STPG4: variants seen among roughly 807,000 people sequenced by gnomAD.
STPG4 encodes the protein sperm-tail PG-rich repeat containing 4, also known as protein STPG4.
STPG4 carries 41 observed loss-of-function variants against 31.5 expected under a neutral mutation model. The ratio of observed to expected loss-of-function variants is 1.30; its 90% CI spans 1.01 to 1.69. The LOEUF (loss-of-function observed/expected upper bound fraction) is 1.69. STPG4 is among the 40% of genes most tolerant of loss of function. The pLI is 0.00. For synonymous variants in STPG4, 141 were observed against 103.0 expected (o/e 1.37, Z -2.24); for missense variants, 375 against 293.4 (o/e 1.28, Z -2.03).
chr2:47,146,087 A>T (rs993646458), intron 3 of STPG4, among the ~76,000 whole-genome samples: 1 of 152,220 alleles, frequency 6.6e-6, no homozygotes, highest in Non-Finnish European at 1.5e-5. Context: ...CCAAAAGGAC[A>T]AGTGGGTCAG....
rs192805925 is a variant in STPG4 at position 47,093,909 on chromosome 2, G to A, written c.520-3535C>T. On this transcript the variant is annotated intron_variant, in intron 5 of 6. Transcript: ENST00000445927. ...CTCATGGCCGGGCCCTGCAATGGCC[G>A]GGCAACAGCTCTAGCAGAGTCCCCA... Among the ~76,000 whole-genome samples, 831 of 152,330 alleles carry A rather than the reference G, an allele frequency of 5.5e-3. 8 individuals are homozygous for A. Among genetic ancestry groups the A allele is most frequent in the African/African-American group, 0.019 (794 of 41,574 alleles).
chr2:47,088,385 C>G (rs760349555), intron 6 of STPG4, among the ~76,000 whole-genome samples: 1 of 152,158 alleles, frequency 6.6e-6, no homozygotes, highest in Non-Finnish European at 1.5e-5. Context: ...TCTTGAAGTC[C>G]GAAGGCATTT....
intron 5 of STPG4, among the ~76,000 whole-genome samples, chr2:47,125,555 C>T (rs781168621): frequency 1.2e-4 from 19 of 152,130 alleles, no homozygotes; most frequent in Non-Finnish European, 2.4e-4. Context: ...TTGATTGTTT[C>T]CTTTGTTGTG....
At chr2:47,116,099 G>A (rs763179797) in intron 5 of STPG4, among the ~76,000 whole-genome samples, 4 of 152,194 alleles carry the variant, frequency 2.6e-5, no homozygotes, top group Non-Finnish European at 5.9e-5. Context: ...GGCTCATTGA[G>A]TTTTTCCAGA....
Position 47,087,113 on chromosome 2 carries a change from TCCTGGG to T in STPG4, c.636_641del (p.Pro213_Gly214del), listed in dbSNP as rs1685471325. 6.4e-7 allele frequency: 1 copy of T among 1,551,800 alleles called. No individual in the cohort carries two copies. The highest frequency in any genetic ancestry group is 8.7e-7 in the Non-Finnish European group (1 of 1,147,014). On this transcript the variant is annotated inframe_deletion, in exon 7 of 7. Coordinates refer to ENST00000445927, the MANE Select transcript of STPG4 (RefSeq NM_001163561.2). ...GGAATTGTCTTAAAGTTGTATATGCTCCTGGGCCTGGGGTTTTCTGAAAACAGAGCA... is the reference window on the plus strand; with the variant it reads ...GGAATTGTCTTAAAGTTGTATATGCTCCTGGGGTTTTCTGAAAACAGAGCA...
At chr2:47,126,021 G>T (rs1311443459) in intron 5 of STPG4, among the ~76,000 whole-genome samples, 1 of 152,168 alleles carries the variant, frequency 6.6e-6, no homozygotes, top group Non-Finnish European at 1.5e-5. Flanking sequence ...TGTCAAAAAT[G>T]AGTTCACTGT....
intron 5 of STPG4, among the ~76,000 whole-genome samples, chr2:47,104,871 A>G (rs1035473611): frequency 2.0e-5 from 3 of 151,790 alleles, no homozygotes; most frequent in Non-Finnish European, 2.9e-5. Flanking sequence ...TCTTAGCCAG[A>G]GGGGCCAGGG....
At chr2:47,152,504 A>C (rs1417457801) in intron 2 of STPG4, among the ~76,000 whole-genome samples, 1 of 152,222 alleles carries the variant, frequency 6.6e-6, no homozygotes, top group Non-Finnish European at 1.5e-5. Flanking sequence ...GTAATATAGA[A>C]ACTCTCTGGT....
At chr2:47,151,129 A>G in intron 3 of STPG4, 129 bp downstream of exon 3, 1 of 1,192,586 alleles carries the variant, frequency 8.4e-7, no homozygotes, top group Non-Finnish European at 1.2e-6. Flanking sequence ...TTTGATTTCT[A>G]CGGGAAATAA....
intron 5 of STPG4, among the ~76,000 whole-genome samples, chr2:47,114,760 T>C (rs1211004994): frequency 6.6e-6 from 1 of 151,222 alleles, no homozygotes; most frequent in African/African-American, 2.4e-5. Flanking sequence ...CATCCAACAA[T>C]ACATTTTTTT....
chr2:47,087,870 T>C (rs1420355878), intron 6 of STPG4, among the ~76,000 whole-genome samples: 1 of 151,812 alleles, frequency 6.6e-6, no homozygotes, highest in East Asian at 1.9e-4. Context: ...TGCCTCAGCC[T>C]CCCAAGTAGC....
At chr2:47,151,571 A>G in intron 2 of STPG4, 56 bp from the exon 3 acceptor site, 3 of 1,494,482 alleles carry the variant, frequency 2.0e-6, no homozygotes, top group Non-Finnish European at 2.8e-6. Context: ...TTCTCCTAAA[A>G]CACCATTCTT....
At chr2:47,136,720 A>G (rs777230372) in intron 3 of STPG4, among the ~76,000 whole-genome samples, 1 of 152,222 alleles carries the variant, frequency 6.6e-6, no homozygotes, top group Non-Finnish European at 1.5e-5. Flanking sequence ...TGTTTGGTCA[A>G]TGGAAGAGAG....
intron 5 of STPG4, among the ~76,000 whole-genome samples, chr2:47,097,591 T>C (rs1164710690): frequency 6.6e-6 from 1 of 152,222 alleles, no homozygotes; most frequent in Non-Finnish European, 1.5e-5. Context: ...TGGAAGCTTC[T>C]GCCCTTCGCC....
intron 5 of STPG4, among the ~76,000 whole-genome samples, chr2:47,111,122 C>T (rs1686028204): frequency 1.3e-5 from 2 of 152,124 alleles, no homozygotes; most frequent in African/African-American, 4.8e-5. Context: ...TACTGCCAAA[C>T]TCCTTTCAAA....
At chr2:47,122,209 T>C (rs1343008028) in intron 5 of STPG4, among the ~76,000 whole-genome samples, 1 of 152,220 alleles carries the variant, frequency 6.6e-6, no homozygotes, top group Non-Finnish European at 1.5e-5. Flanking sequence ...TATAGATTGT[T>C]ATGATAATTT....
In STPG4 at chr2:47,151,901, C is replaced by T. The variant is rs56673091; in HGVS notation, c.142-386G>A. ...GACTACAGGCATCAGCCACTACGCC[C>T]GGCTAGTTTTTTGTTTTGTTTTTTT... On this transcript the variant is annotated intron_variant, in intron 2 of 6. Coordinates refer to ENST00000445927, the MANE Select transcript of STPG4 (RefSeq NM_001163561.2). Among the ~76,000 whole-genome samples the T allele has an allele frequency of 1.7e-3, 226 of 135,368 alleles. 2 individuals are homozygous for T. The highest frequency in any genetic ancestry group is 5.7e-3 in the African/African-American group (214 of 37,570). 88.8% of individuals were successfully genotyped at this position (135,368 alleles called of 152,430 possible). A position where few individuals can be genotyped will look rare whatever the true frequency, so the allele number is the denominator to read the frequency against.
At chr2:47,106,560 G>A (rs1685915341) in intron 5 of STPG4, among the ~76,000 whole-genome samples, 1 of 151,898 alleles carries the variant, frequency 6.6e-6, no homozygotes, top group Admixed American at 6.5e-5. Context: ...TGGCAGCAGT[G>A]ACTCTCCAAA....
chr2:47,101,557 T>C (rs896086107), intron 5 of STPG4, among the ~76,000 whole-genome samples: 34 of 151,844 alleles, frequency 2.2e-4, no homozygotes, highest in Admixed American at 2.6e-4. Flanking sequence ...TCTGGTGCTT[T>C]TTTAGTTTCT....
Sources: allele counts gnomAD v4.1 joint callset (sites outside exome capture counted in the v4.1 genomes callset), GRCh38; gene constraint gnomAD v4.1.1; transcripts MANE v1.5; gene names NCBI Gene and HGNC (gene_info 2026-07-23, HGNC 2026-07-21).